EIF4G3: variants seen among roughly 807,000 people sequenced by gnomAD.
EIF4G3 encodes eIF-4-gamma 3.
A neutral mutation model predicts 186.4 loss-of-function variants in EIF4G3; 34 were observed. The ratio of observed to expected loss-of-function variants is 0.18; its 90% CI spans 0.14 to 0.24. The LOEUF (loss-of-function observed/expected upper bound fraction) is 0.24, where lower values mean the gene tolerates loss of function less well. Ranked by LOEUF, EIF4G3 falls within the 10% of genes least tolerant of loss-of-function variation. EIF4G3 has a pLI of 1.00. For missense variants in EIF4G3, 1,536 were observed against 1,948.5 expected, an observed-to-expected ratio of 0.79 and a Z score of 3.99; for synonymous variants, 673 against 679.5, an observed-to-expected ratio of 0.99 and a Z score of 0.15.
At chr1:20,952,881 A>C (rs2096277945) in intron 12 of EIF4G3, among the ~76,000 whole-genome samples, 1 of 152,040 alleles carries the variant, frequency 6.6e-6, no homozygotes, top group Non-Finnish European at 1.5e-5. Flanking sequence ...ACAAACAAAC[A>C]AACAGTCTAT....
At chr1:20,924,024 A>G (rs1305439375) in intron 14 of EIF4G3, among the ~76,000 whole-genome samples, 1 of 152,154 alleles carries the variant, frequency 6.6e-6, no homozygotes, top group East Asian at 1.9e-4. Flanking sequence ...TGAAGCATGG[A>G]TTTATCACAT....
chr1:21,078,519 G>A (rs2095659254), intron 3 of EIF4G3, among the ~76,000 whole-genome samples: 1 of 152,168 alleles, frequency 6.6e-6, no homozygotes. Context: ...TAAATAAAAG[G>A]AATAAGTTCT....
rs531279892 is a variant in EIF4G3 at position 21,084,905 on chromosome 1, T to C, written c.-196+4233A>G. On this transcript the variant is annotated intron_variant, in intron 3 of 36. Transcript: ENST00000602326. Reference sequence around the variant, plus strand: ...CTTCTTATCCCATAAAGATGTAATATCCATGAGGGCTGAGGGTCTGTGTTG... The same window carrying C: ...CTTCTTATCCCATAAAGATGTAATACCCATGAGGGCTGAGGGTCTGTGTTG... 2.6e-5 allele frequency among the ~76,000 whole-genome samples: 4 copies of C among 152,126 alleles called. No homozygotes were observed. The East Asian group carries it at 7.7e-4, about 29-fold the overall frequency.
chr1:20,982,502 G>T, intron 7 of EIF4G3, 94 bp from the exon 8 acceptor site: 1 of 822,200 alleles, frequency 1.2e-6, no homozygotes, highest in Non-Finnish European at 1.8e-6. Flanking sequence ...ATAGCATGCA[G>T]CTCAACAAAA....
In EIF4G3 at chr1:21,087,209, G is replaced by T. The variant is rs546797290; in HGVS notation, c.-196+1929C>A. Among the ~76,000 whole-genome samples the T allele has an allele frequency of 2.0e-5, 3 of 152,160 alleles. No individual in the cohort carries two copies. In the East Asian group the frequency reaches 5.8e-4, roughly 29 times the overall value. ...TATCCACAGGAATAAATGGTATGTT[G>T]AACCGAAATATTTAAAAGATAGGTT... On this transcript the variant is annotated intron_variant, in intron 3 of 36. Transcript: ENST00000602326.
intron 4 of EIF4G3, among the ~76,000 whole-genome samples, chr1:21,025,302 T>C (rs935826054): frequency 6.6e-6 from 1 of 152,140 alleles, no homozygotes; most frequent in African/African-American, 2.4e-5. Context: ...GGCAGAAATA[T>C]CATCCAATTT....
At chr1:20,964,698 G>A (rs1187070097) in intron 12 of EIF4G3, among the ~76,000 whole-genome samples, 1 of 152,058 alleles carries the variant, frequency 6.6e-6, no homozygotes, top group Admixed American at 6.5e-5. Context: ...TTCACATTTG[G>A]CCTAGTTCAA....
intron 2 of EIF4G3, among the ~76,000 whole-genome samples, chr1:21,170,338 A>G (rs952814839): frequency 2.0e-5 from 3 of 152,048 alleles, no homozygotes; most frequent in African/African-American, 4.8e-5. Flanking sequence ...ACAAAATTCA[A>G]TGTCTTATAA....
intron 14 of EIF4G3, among the ~76,000 whole-genome samples, chr1:20,911,663 A>G (rs1383429784): frequency 6.6e-6 from 1 of 151,870 alleles, no homozygotes; most frequent in East Asian, 1.9e-4. Context: ...CTATGCAACA[A>G]TATAAATCTG....
intron 14 of EIF4G3, among the ~76,000 whole-genome samples, chr1:20,930,408 T>G (rs2154561033): frequency 6.6e-6 from 1 of 152,336 alleles, no homozygotes; most frequent in South Asian, 2.1e-4. Context: ...TCTAAATCCT[T>G]TGTTGTCATG....
At chr1:21,014,749 C>CG (rs1390768749) in intron 4 of EIF4G3, among the ~76,000 whole-genome samples, 1 of 150,716 alleles carries the variant, frequency 6.6e-6, no homozygotes, top group East Asian at 2.0e-4. Flanking sequence ...ATTCTCCTGC[C>CG]CAGCCTCCCT....
intron 2 of EIF4G3, among the ~76,000 whole-genome samples, chr1:21,109,310 C>A (rs2096673855): frequency 1.3e-5 from 2 of 152,070 alleles, no homozygotes; most frequent in African/African-American, 4.8e-5. Context: ...CTTTATTCCA[C>A]AATGGATCTG....
intron 2 of EIF4G3, among the ~76,000 whole-genome samples, chr1:21,127,890 T>G (rs959299971): frequency 1.3e-5 from 2 of 152,008 alleles, no homozygotes; most frequent in Non-Finnish European, 2.9e-5. Context: ...CTAGTTAAAA[T>G]CCACTCATGG....
chr1:21,093,875 G>C (rs71526975), intron 2 of EIF4G3, among the ~76,000 whole-genome samples: 1 of 152,058 alleles, frequency 6.6e-6, no homozygotes, highest in Non-Finnish European at 1.5e-5. Flanking sequence ...AACACCACAT[G>C]TTCTCACTCA....
intron 2 of EIF4G3, among the ~76,000 whole-genome samples, chr1:21,098,215 G>A (rs774166292): frequency 2.0e-5 from 3 of 152,018 alleles, no homozygotes; most frequent in Non-Finnish European, 4.4e-5. Context: ...TAAAACTTAC[G>A]TAAATAAGAT....
At chr1:20,936,097 G>A (rs2095509115) in intron 14 of EIF4G3, among the ~76,000 whole-genome samples, 1 of 152,196 alleles carries the variant, frequency 6.6e-6, no homozygotes, top group African/African-American at 2.4e-5. Context: ...AACTACGTAA[G>A]GGACTTGCCA....
chr1:20,877,756 AT>A (rs1359931979), intron 20 of EIF4G3, among the ~76,000 whole-genome samples: 5 of 152,198 alleles, frequency 3.3e-5, no homozygotes, highest in Admixed American at 6.5e-5. Context: ...CATTTTATGG[AT>A]TAAAAACAGG....
chr1:20,910,595 AC>A (rs1431314650), intron 14 of EIF4G3, among the ~76,000 whole-genome samples: 1 of 152,180 alleles, frequency 6.6e-6, no homozygotes, highest in Non-Finnish European at 1.5e-5. Flanking sequence ...AAAAACAAAA[AC>A]AAAAACAAAA....
chr1:21,005,239 A>G (rs1354428179), intron 4 of EIF4G3, among the ~76,000 whole-genome samples: 1 of 152,170 alleles, frequency 6.6e-6, no homozygotes, highest in Non-Finnish European at 1.5e-5. Context: ...GAATCTGAAT[A>G]TAGTTTTAAA....
Sources: gnomAD v4.1 joint callset for allele counts (sites outside exome capture counted in the v4.1 genomes callset) on GRCh38, gnomAD v4.1.1 for gene constraint, MANE v1.5 for transcripts, NCBI Gene and HGNC (gene_info 2026-07-23, HGNC 2026-07-21) for gene names.